Variants in ATAD1 observed in about 807,000 individuals in gnomAD.
ATAD1 encodes the protein ATPase family AAA domain containing 1.
Under a neutral mutation model 42.7 loss-of-function variants are expected in ATAD1, and 18 were observed. The observed-to-expected ratio is 0.42, with a 90% CI of 0.29 to 0.63. The LOEUF is 0.63. ATAD1 is among the 20% of genes least tolerant of loss of function. The probability of loss-of-function intolerance (pLI) is 0.19; values close to 1 mark genes in which losing one functional copy is unlikely to be tolerated. For missense variants in ATAD1, 294 were observed against 440.4 expected (o/e 0.67, Z 2.98); for synonymous variants, 132 against 143.1 (o/e 0.92, Z 0.55).
chr10:87,812,785 C>A (rs527968444), intron 2 of ATAD1, among the ~76,000 whole-genome samples: 5 of 152,228 alleles, frequency 3.3e-5, no homozygotes, highest in African/African-American at 1.2e-4. Flanking sequence ...CCTCAGTCCA[C>A]CCAACAAAAC....
chr10:87,797,281 T>G (rs2131968867), intron 2 of ATAD1, among the ~76,000 whole-genome samples: 2 of 151,902 alleles, frequency 1.3e-5, no homozygotes, highest in Middle Eastern at 6.8e-3. Context: ...TAACAAAACC[T>G]CTCTAATTTG....
chr10:87,757,073 C>T, intron 8 of ATAD1, 151 bp from the exon 9 acceptor site: 1 of 577,538 alleles, frequency 1.7e-6, no homozygotes, highest in Non-Finnish European at 2.7e-6. Context: ...ACCACAAAAG[C>T]TTAGAAATTT....
chr10:87,779,345 C>T (rs994957554), intron 5 of ATAD1, among the ~76,000 whole-genome samples: 4 of 151,766 alleles, frequency 2.6e-5, no homozygotes, highest in African/African-American at 7.3e-5. Context: ...AAATAAAATT[C>T]GTGCTATGTG....
chr10:87,769,111 T>G (rs1196847806), intron 7 of ATAD1, among the ~76,000 whole-genome samples: 1 of 152,162 alleles, frequency 6.6e-6, no homozygotes, highest in East Asian at 1.9e-4. Flanking sequence ...AATTGTCCAT[T>G]GTACTAACTA....
At chr10:87,791,361 G>A (rs1856102150) in intron 3 of ATAD1, among the ~76,000 whole-genome samples, 1 of 151,972 alleles carries the variant, frequency 6.6e-6, no homozygotes, top group African/African-American at 2.4e-5. Flanking sequence ...TGGAGTTGGG[G>A]CCAATCAGAA....
At chr10:87,815,772 A>C (rs1857389332) in intron 1 of ATAD1, among the ~76,000 whole-genome samples, 1 of 152,082 alleles carries the variant, frequency 6.6e-6, no homozygotes, top group Admixed American at 6.5e-5. Flanking sequence ...AAAAGACCCC[A>C]AAGTATTTCC....
chr10:87,765,495 G>T lies in ATAD1; in HGVS notation c.831+2178C>A, dbSNP rs1189746652. ...TCCAGAAGCCATAGGGGGGGTGGGTGGGGGGGAAGAAAACTCCAATAAAAT... is the reference window on the plus strand; with the variant it reads ...TCCAGAAGCCATAGGGGGGGTGGGTTGGGGGGAAGAAAACTCCAATAAAAT... On this transcript the variant is annotated intron_variant, in intron 8 of 9. Transcript: ENST00000680024. Among the ~76,000 whole-genome samples the T allele has an allele frequency of 8.5e-5, 8 of 94,326 alleles. No individual in the cohort carries two copies. In the East Asian group the frequency reaches 2.3e-3, roughly 27 times the overall value. The allele number at this position is 94,326 out of a possible 152,430, so 61.9% of individuals were successfully genotyped here.
intron 4 of ATAD1, 25 bp downstream of exon 4, chr10:87,790,285 A>G: frequency 1.3e-6 from 2 of 1,595,146 alleles, no homozygotes; most frequent in Non-Finnish European, 1.7e-6. Flanking sequence ...TTAATGCTTT[A>G]GGCGAATATA....
At chr10:87,822,535 A>C (rs927993104), upstream of ATAD1, among the ~76,000 whole-genome samples, 3 of 152,214 alleles carry the variant, frequency 2.0e-5, no homozygotes, top group Admixed American at 6.5e-5. Flanking sequence ...AGGCACAGAA[A>C]GACAAACTTT....
intron 7 of ATAD1, 49 bp from the exon 8 acceptor site, chr10:87,767,772 A>T (rs779851080): frequency 8.5e-6 from 13 of 1,529,208 alleles, no homozygotes; most frequent in Admixed American, 5.8e-5. Flanking sequence ...TTATTTTTTT[A>T]AAAAGATCAA....
chr10:87,776,356 G>C lies in ATAD1; in HGVS notation c.655C>G (p.Leu219Val). The C allele has an allele frequency of 6.2e-7, 1 of 1,613,822 alleles. No individual in the cohort carries two copies. Among genetic ancestry groups the C allele is most frequent in the Non-Finnish European group, 8.5e-7 (1 of 1,179,804 alleles). ...TGATCAGTATCCAATCCATCCCAGA[G>C]ACTCATAAACTGAGCTTTCATCATG... ...TAMMKAQFMS[L>V]WDGLDTDHSC... Residue 219 changes from leucine to valine, a missense_variant, in exon 6 of 10, where the codon CTC becomes GTC. Physicochemically the swap from Leu to Val is conservative, Grantham distance 32 (BLOSUM62 1). Around this residue, in one of 3 missense-constraint regions of ATAD1, gnomAD observed 142 missense variants for 174.6 expected, o/e 0.81. Coordinates refer to ENST00000680024, the MANE Select transcript of ATAD1 (RefSeq NM_001321967.2).
At chr10:87,780,060 AAGGTGTCATTTT>A (rs1855494799) in intron 5 of ATAD1, among the ~76,000 whole-genome samples, 2 of 152,198 alleles carry the variant, frequency 1.3e-5, no homozygotes, top group African/African-American at 4.8e-5. Flanking sequence ...TGCCCAAAAC[AAGGTGTCATTTT>A]AATAGACGAA....
chr10:87,790,009 C>T (rs1343988150), intron 4 of ATAD1, among the ~76,000 whole-genome samples: 1 of 151,884 alleles, frequency 6.6e-6, no homozygotes, highest in African/African-American at 2.4e-5. Flanking sequence ...AAACAAAAAA[C>T]TTGTATTATG....
chr10:87,793,072 C>T (rs1425625810), intron 2 of ATAD1, among the ~76,000 whole-genome samples: 1 of 152,300 alleles, frequency 6.6e-6, no homozygotes, highest in East Asian at 1.9e-4. Flanking sequence ...AGCTTAGTTT[C>T]TCATTCCTAA....
chr10:87,776,007 C>T (rs776859504), intron 6 of ATAD1, among the ~76,000 whole-genome samples: 23 of 152,148 alleles, frequency 1.5e-4, no homozygotes, highest in Non-Finnish European at 2.6e-4. Flanking sequence ...ACAATACCCA[C>T]GGACACTAGT....
In ATAD1 at chr10:87,800,055, T is replaced by C. The variant is rs1295304689; in HGVS notation, c.163-7300A>G. ...CAAACCACAGAGTCCAAGCATGTCA[T>C]GAATGGTCTAAGACACAATAAGAGG... On this transcript the variant is annotated intron_variant, in intron 2 of 9. Coordinates refer to ENST00000680024, the MANE Select transcript of ATAD1 (RefSeq NM_001321967.2). Among the ~76,000 whole-genome samples, 4 of 150,852 alleles carry C rather than the reference T, an allele frequency of 2.7e-5. No individual in the cohort carries two copies. In the East Asian group the frequency reaches 7.8e-4, roughly 29 times the overall value.
At chr10:87,815,265 C>T (rs942367048) in intron 1 of ATAD1, among the ~76,000 whole-genome samples, 12 of 151,984 alleles carry the variant, frequency 7.9e-5, no homozygotes, top group African/African-American at 2.7e-4. Flanking sequence ...ATACAGCACT[C>T]ACCCAAGCTA....
At chr10:87,817,359 CAT>C (rs572524511) in intron 1 of ATAD1, among the ~76,000 whole-genome samples, 285 of 152,266 alleles carry the variant, frequency 1.9e-3, no homozygotes, top group Non-Finnish European at 3.5e-3. Context: ...CAAATATGTA[CAT>C]ATACGATGAT....
In ATAD1 at chr10:87,831,901, C is replaced by T. The variant is rs369679938; in HGVS notation, c.-14+9286G>A. Among the ~76,000 whole-genome samples the T allele has an allele frequency of 2.0e-5, 3 of 151,980 alleles. No homozygotes were observed. In the East Asian group the frequency reaches 5.8e-4, roughly 29 times the overall value. The stretch of plus-strand genomic sequence containing the variant: ...AATTCTCATAAACCTGTAGTAAGTA[C>T]TATAATTATTCTCAGATAAGGAAAC... On this transcript the variant is annotated intron_variant, in intron 1 of 4. Transcript: ENST00000495903.
Sources: gnomAD v4.1 joint callset for allele counts (sites outside exome capture counted in the v4.1 genomes callset) on GRCh38, gnomAD v4.1.1 for gene constraint, gnomAD v4.1.1 regional missense constraint, MANE v1.5 for transcripts, NCBI Gene and HGNC (gene_info 2026-07-23, HGNC 2026-07-21) for gene names.